The following NCALD variants were observed in gnomAD, a reference collection of about 807,000 sequenced individuals.
The protein encoded by NCALD is neurocalcin delta.
In NCALD, 10 loss-of-function variants were observed where a neutral mutation model predicts 18.6. That is an observed-to-expected ratio of 0.54 (90% CI 0.33 to 0.91). The LOEUF is 0.91. Among genes scored for constraint, NCALD ranks in the 40% least tolerant of loss-of-function variants. The pLI is 0.03. For missense variants in NCALD, 184 were observed against 247.6 expected (o/e 0.74, Z 1.72); for synonymous variants, 88 against 87.4 (o/e 1.01, Z -0.04).
intron 4 of NCALD, among the ~76,000 whole-genome samples, chr8:101,804,421 TTATAAC>T (rs1563786049): frequency 7.5e-6 from 1 of 132,690 alleles, no homozygotes; most frequent in African/African-American, 2.9e-5. Flanking sequence ...TATATACTAT[TTATAAC>T]TGTAATATAT....
At chr8:101,901,586 T>C (rs1817424465) in intron 3 of NCALD, among the ~76,000 whole-genome samples, 1 of 152,146 alleles carries the variant, frequency 6.6e-6, no homozygotes, top group Non-Finnish European at 1.5e-5. Flanking sequence ...TACCAGAGTG[T>C]ATTGGTAGAA....
intron 2 of NCALD, among the ~76,000 whole-genome samples, chr8:101,997,019 C>T (rs1821263694): frequency 6.6e-6 from 1 of 152,182 alleles, no homozygotes; most frequent in Admixed American, 6.5e-5. Context: ...TACTTAGAGT[C>T]AGTAACTATG....
At chr8:101,755,748 C>T (rs553241566) in intron 1 of NCALD, among the ~76,000 whole-genome samples, 17 of 152,290 alleles carry the variant, frequency 1.1e-4, no homozygotes, top group African/African-American at 4.1e-4. Flanking sequence ...GATAACACTC[C>T]TTTGTAAACA....
At chr8:101,955,798 A>C (rs1819600956) in intron 2 of NCALD, among the ~76,000 whole-genome samples, 2 of 152,332 alleles carry the variant, frequency 1.3e-5, no homozygotes, top group African/African-American at 4.8e-5. Flanking sequence ...GACAATTGAC[A>C]AAATTTATAT....
chr8:101,891,851 C>G (rs1023294695), intron 3 of NCALD, among the ~76,000 whole-genome samples: 1 of 152,186 alleles, frequency 6.6e-6, no homozygotes, highest in Non-Finnish European at 1.5e-5. Flanking sequence ...ACACCTGGCT[C>G]GGAGGGTCCT....
chr8:101,822,656 A>G (rs1464443886), intron 4 of NCALD, among the ~76,000 whole-genome samples: 8 of 152,192 alleles, frequency 5.3e-5, no homozygotes. Flanking sequence ...CTGTTACAGC[A>G]GCAGCAGTAG....
chr8:101,992,883 A>AT lies in NCALD; in HGVS notation c.-157+27353dup, dbSNP rs890187852. Among the ~76,000 whole-genome samples the AT allele has an allele frequency of 5.3e-5, 8 of 150,820 alleles. No homozygotes were observed. The East Asian group carries it at 7.8e-4, about 15-fold the overall frequency. On this transcript the variant is annotated intron_variant, in intron 2 of 6. Coordinates refer to the NCALD transcript ENST00000311028. Reference sequence around the variant, plus strand: ...GCAATGTGCTGAGTGATTTTCCAGGATTTTTTTTTACTTAATCTTTCGAAC... The same window carrying AT: ...GCAATGTGCTGAGTGATTTTCCAGGATTTTTTTTTTACTTAATCTTTCGAAC...
At chr8:101,893,136 G>T (rs887618906) in intron 3 of NCALD, among the ~76,000 whole-genome samples, 2 of 151,764 alleles carry the variant, frequency 1.3e-5, no homozygotes, top group African/African-American at 2.4e-5. Flanking sequence ...ACCCACAAAG[G>T]GAAGCCCATC....
chr8:101,910,089 G>C (rs576822043), intron 3 of NCALD, among the ~76,000 whole-genome samples: 3 of 152,254 alleles, frequency 2.0e-5, no homozygotes, highest in African/African-American at 4.8e-5. Flanking sequence ...CCTACACTGA[G>C]ACCTCAGTGA....
rs1477545044 is a variant in NCALD at position 102,083,417 on chromosome 8, G to A, written c.-210+40820C>T. On this transcript the variant is annotated intron_variant, in intron 1 of 6. Coordinates refer to the NCALD transcript ENST00000311028. ...GCAATTATAAATATAAAAGAAAGGTGAAATGCCTCTGTGAATGGGGATAAT... is the reference window on the plus strand; with the variant it reads ...GCAATTATAAATATAAAAGAAAGGTAAAATGCCTCTGTGAATGGGGATAAT... 2.0e-5 allele frequency among the ~76,000 whole-genome samples: 3 copies of A among 152,224 alleles called. No individual in the cohort carries two copies. The East Asian group carries it at 5.8e-4, about 29-fold the overall frequency.
intron 1 of NCALD, among the ~76,000 whole-genome samples, chr8:101,774,746 C>T (rs562674569): frequency 8.5e-5 from 13 of 152,292 alleles, no homozygotes; most frequent in East Asian, 5.8e-4. Context: ...CTGGGCTCTC[C>T]GCTTCCACAT....
chr8:101,786,351 T>C (rs118089817), intron 1 of NCALD, among the ~76,000 whole-genome samples: 7 of 152,202 alleles, frequency 4.6e-5, no homozygotes, highest in African/African-American at 1.4e-4. Flanking sequence ...GGACCTCACA[T>C]GCCTACTATA....
At chr8:101,937,550 G>GGT (rs1818809671) in intron 2 of NCALD, among the ~76,000 whole-genome samples, 1 of 152,100 alleles carries the variant, frequency 6.6e-6, no homozygotes, top group South Asian at 2.1e-4. Context: ...AGTATCCCAT[G>GGT]GTGTATCACA....
At chr8:101,869,207 AAG>A (rs1177120191) in intron 4 of NCALD, among the ~76,000 whole-genome samples, 3 of 152,242 alleles carry the variant, frequency 2.0e-5, no homozygotes, top group African/African-American at 7.2e-5. Flanking sequence ...TGATTAAGTT[AAG>A]GATCTCAGGA....
intron 1 of NCALD, among the ~76,000 whole-genome samples, chr8:101,749,823 G>A (rs1810577381): frequency 6.6e-6 from 1 of 152,036 alleles, no homozygotes; most frequent in African/African-American, 2.4e-5. Flanking sequence ...CTTTCATCTG[G>A]CTCTCAAGAT....
At chr8:101,695,189 C>T (rs1814933869) in intron 2 of NCALD, among the ~76,000 whole-genome samples, 1 of 152,190 alleles carries the variant, frequency 6.6e-6, no homozygotes, top group Non-Finnish European at 1.5e-5. Flanking sequence ...AGCACAACCT[C>T]CTTAAAGGAG....
At chr8:102,014,538 C>A (rs1822014744) in intron 2 of NCALD, among the ~76,000 whole-genome samples, 1 of 151,126 alleles carries the variant, frequency 6.6e-6, no homozygotes, top group Admixed American at 6.6e-5. Flanking sequence ...TTCCCTGCTA[C>A]AAGAAAGAGT....
chr8:101,787,072 T>TA (rs1314327980), intron 1 of NCALD, among the ~76,000 whole-genome samples: 2 of 152,140 alleles, frequency 1.3e-5, no homozygotes, highest in Non-Finnish European at 2.9e-5. Context: ...CTGAAAACAA[T>TA]AAAAAATACT....
At chr8:101,880,806 G>A (rs1816463510) in intron 4 of NCALD, among the ~76,000 whole-genome samples, 1 of 152,192 alleles carries the variant, frequency 6.6e-6, no homozygotes, top group African/African-American at 2.4e-5. Context: ...TGCTATGGAG[G>A]CAGAAAAGTG....
Sources: allele counts gnomAD v4.1 joint callset (sites outside exome capture counted in the v4.1 genomes callset), GRCh38; gene constraint gnomAD v4.1.1; transcripts MANE v1.5; gene names NCBI Gene and HGNC (gene_info 2026-07-23, HGNC 2026-07-21).